FGD4: variants seen among roughly 807,000 people sequenced by gnomAD.
The protein encoded by FGD4 is FYVE, RhoGEF and PH domain containing 4, also known as FYVE, RhoGEF and PH domain-containing protein 4.
A neutral mutation model predicts 102.0 loss-of-function variants in FGD4; 42 were observed. The observed-to-expected ratio is 0.41, with a 90% CI of 0.32 to 0.53. The LOEUF is 0.53. FGD4 is among the 20% of genes least tolerant of loss of function. FGD4 has a pLI of 0.21. For synonymous variants in FGD4, 380 were observed against 375.7 expected, an observed-to-expected ratio of 1.01 and a Z score of -0.13; for missense variants, 902 against 1,078.2, an observed-to-expected ratio of 0.84 and a Z score of 2.29.
At chr12:32,591,355 T>C (rs1371563501) in intron 4 of FGD4, among the ~76,000 whole-genome samples, 1 of 152,224 alleles carries the variant, frequency 6.6e-6, no homozygotes, top group Admixed American at 6.5e-5. Flanking sequence ...TTTTGGTATA[T>C]GTTTTTAGGA....
intron 1 of FGD4, among the ~76,000 whole-genome samples, chr12:32,496,865 G>A (rs10444425): frequency 0.051 from 7,701 of 152,230 alleles, 271 homozygotes; most frequent in South Asian, 0.099. Flanking sequence ...TTTTAGAATC[G>A]ATATTAAGGA....
rs1250561060 is a variant in FGD4 at position 32,582,131 on chromosome 12, T to C, written c.675T>C (p.Cys225=). The C allele has an allele frequency of 6.2e-7, 1 of 1,614,080 alleles. No individual in the cohort carries two copies. The highest frequency in any genetic ancestry group is 8.5e-7 in the Non-Finnish European group (1 of 1,180,046). The part of the protein sequence containing the change: ...DTDKTQGAQT[C]VANGVMAAQN... Reference sequence around the variant, plus strand: ...ATAAGACTCAGGGTGCACAGACTTGTGTGGCCAACGGTGTAATGGCAGCAC... The same window carrying C: ...ATAAGACTCAGGGTGCACAGACTTGCGTGGCCAACGGTGTAATGGCAGCAC... Residue 225 remains cysteine (C), a synonymous_variant, in exon 4 of 17, where the codon TGT becomes TGC. Transcript: ENST00000534526.
In FGD4 at chr12:32,625,540, GATT is replaced by G; in HGVS notation, c.2047-111_2047-109del. ...CTGCCTCAGCTTCCGAAAGTGCTGG[GATT>G]ATAGTTCAGAACATGGTTTGAGCAA... On this transcript the variant is annotated intron_variant, in intron 13 of 16. Transcript: ENST00000534526. 3 of 1,354,806 alleles carry G rather than the reference GATT, an allele frequency of 2.2e-6. No homozygotes were observed. The South Asian group carries it at 3.8e-5, about 17-fold the overall frequency. The allele number at this position is 1,354,806 out of a possible 1,614,324, so 83.9% of individuals were successfully genotyped here.
chr12:32,482,151 A>G (rs1943785462), intron 1 of FGD4, among the ~76,000 whole-genome samples: 1 of 152,248 alleles, frequency 6.6e-6, no homozygotes, highest in Admixed American at 6.5e-5. Context: ...GCCACATTAT[A>G]TATTTTAATA....
intron 1 of FGD4, chr12:32,534,291 G>C: frequency 7.5e-7 from 1 of 1,326,574 alleles, no homozygotes; most frequent in Non-Finnish European, 9.7e-7. Context: ...GGTCGTCCTT[G>C]GGCAGTAAGT....
chr12:32,478,809 T>C (rs983053101), intron 1 of FGD4, among the ~76,000 whole-genome samples: 1 of 152,158 alleles, frequency 6.6e-6, no homozygotes, highest in Non-Finnish European at 1.5e-5. Flanking sequence ...AATGATCTTA[T>C]GGGTAGTGTG....
chr12:32,454,679 T>C (rs376814302), intron 1 of FGD4, among the ~76,000 whole-genome samples: 3 of 152,194 alleles, frequency 2.0e-5, no homozygotes, highest in South Asian at 2.1e-4. Flanking sequence ...TGTCTTTGAT[T>C]GTAGTAGTTT....
At chr12:32,503,905 A>T (rs1938450280) in intron 1 of FGD4, among the ~76,000 whole-genome samples, 1 of 152,198 alleles carries the variant, frequency 6.6e-6, no homozygotes, top group Admixed American at 6.5e-5. Context: ...GCTGTGAGTG[A>T]ATGGGTCTGA....
At chr12:32,587,359 C>CTTA (rs1947132203) in intron 4 of FGD4, among the ~76,000 whole-genome samples, 1 of 148,590 alleles carries the variant, frequency 6.7e-6, no homozygotes, top group East Asian at 2.0e-4. Flanking sequence ...ATGGCTATTG[C>CTTA]TTATTTTTTA....
intron 1 of FGD4, among the ~76,000 whole-genome samples, chr12:32,509,022 C>T (rs1319384796): frequency 6.6e-6 from 1 of 152,224 alleles, no homozygotes; most frequent in African/African-American, 2.4e-5. Flanking sequence ...TATATACCAA[C>T]TTTTGGTGTT....
chr12:32,543,514 G>T (rs985575425), intron 1 of FGD4, among the ~76,000 whole-genome samples: 1 of 152,132 alleles, frequency 6.6e-6, no homozygotes, highest in Non-Finnish European at 1.5e-5. Flanking sequence ...CTAGGGTTAC[G>T]CCAAGAGTCA....
intron 1 of FGD4, among the ~76,000 whole-genome samples, chr12:32,525,830 G>A (rs1941101258): frequency 6.6e-6 from 1 of 152,254 alleles, no homozygotes; most frequent in South Asian, 2.1e-4. Flanking sequence ...AGTGGCTGCA[G>A]AGGGTGTACT....
intron 1 of FGD4, among the ~76,000 whole-genome samples, chr12:32,543,979 T>A (rs2136147888): frequency 6.6e-6 from 1 of 152,262 alleles, no homozygotes; most frequent in Admixed American, 6.5e-5. Context: ...AGAGATCAAG[T>A]ATATATATTT....
In FGD4 at chr12:32,645,121, A is replaced by C. The variant is rs1444747343; in HGVS notation, c.*4588A>C. ...ATCAAGAAATCTCATATCATACTTT[A>C]ATAAATAAATACCAAATACATAGTG... On this transcript the variant is annotated 3_prime_UTR_variant, in exon 17 of 17. Coordinates refer to ENST00000534526, the MANE Select transcript of FGD4 (RefSeq NM_001370298.3). 3 of 152,208 alleles carry C rather than the reference A, an allele frequency of 2.0e-5. No individual in the cohort carries two copies. Among genetic ancestry groups the C allele is most frequent in the Non-Finnish European group, 4.4e-5 (3 of 68,040 alleles). The allele number at this position is 152,208 out of a possible 1,614,324, so 9.4% of individuals were successfully genotyped here. A position where few individuals can be genotyped will look rare whatever the true frequency, so the allele number is the denominator to read the frequency against.
At chr12:32,637,562 C>G (rs1359493551) in intron 15 of FGD4, 1 of 151,564 alleles carries the variant, frequency 6.6e-6, no homozygotes, top group Non-Finnish European at 1.5e-5. Flanking sequence ...TGCCATTGCA[C>G]TCCAGCCTGG....
At chr12:32,416,354 T>C (rs574246607) in intron 1 of FGD4, among the ~76,000 whole-genome samples, 16 of 152,342 alleles carry the variant, frequency 1.1e-4, no homozygotes, top group African/African-American at 2.9e-4. Context: ...GTGTTATTAT[T>C]GGTAGGTAAG....
chr12:32,403,605 T>C (rs555329042), intron 1 of FGD4, among the ~76,000 whole-genome samples: 2 of 151,344 alleles, frequency 1.3e-5, no homozygotes, highest in African/African-American at 2.4e-5. Flanking sequence ...CTCCATCTTT[T>C]TTTTTTTTTT....
At chr12:32,583,585 T>C (rs1398387560) in intron 4 of FGD4, among the ~76,000 whole-genome samples, 1 of 152,218 alleles carries the variant, frequency 6.6e-6, no homozygotes, top group African/African-American at 2.4e-5. Flanking sequence ...TGTTGAGAAC[T>C]GGACATTTCT....
intron 1 of FGD4, among the ~76,000 whole-genome samples, chr12:32,503,121 C>T (rs1338783653): frequency 2.0e-5 from 3 of 151,970 alleles, no homozygotes; most frequent in Non-Finnish European, 2.9e-5. Context: ...AGCATTGTAT[C>T]CCCTTCCCCA....
Sources: allele counts gnomAD v4.1 joint callset (sites outside exome capture counted in the v4.1 genomes callset), GRCh38; gene constraint gnomAD v4.1.1; transcripts MANE v1.5; gene names NCBI Gene and HGNC (gene_info 2026-07-23, HGNC 2026-07-21).